Variants in DCDC2 observed in about 807,000 individuals in gnomAD.
The protein encoded by DCDC2 is doublecortin domain-containing protein 2.
DCDC2 carries 40 observed loss-of-function variants against 50.2 expected under a neutral mutation model. The observed-to-expected ratio is 0.80, with a 90% CI of 0.62 to 1.04. The LOEUF (loss-of-function observed/expected upper bound fraction) is 1.04, where lower values mean the gene tolerates loss of function less well. Among genes scored for constraint, DCDC2 ranks in the 50% least tolerant of loss-of-function variants. DCDC2 has a pLI of 0.00. For missense variants in DCDC2, 570 were observed against 581.9 expected (o/e 0.98, Z 0.21); for synonymous variants, 234 against 210.6 (o/e 1.11, Z -0.96).
At chr6:24,242,542 C>T (rs1006454581) in intron 7 of DCDC2, among the ~76,000 whole-genome samples, 2 of 152,186 alleles carry the variant, frequency 1.3e-5, no homozygotes, top group African/African-American at 4.8e-5. Flanking sequence ...CCGCCAGCCT[C>T]TGTGAGAGTA....
At chr6:24,322,224 A>G (rs1485838562) in intron 2 of DCDC2, among the ~76,000 whole-genome samples, 2 of 152,144 alleles carry the variant, frequency 1.3e-5, no homozygotes, top group Non-Finnish European at 2.9e-5. Context: ...CTGAAGATTA[A>G]GCTCTGATTT....
intron 6 of DCDC2, among the ~76,000 whole-genome samples, chr6:24,286,829 C>A (rs1451284478): frequency 1.3e-5 from 2 of 152,088 alleles, no homozygotes; most frequent in Non-Finnish European, 2.9e-5. Flanking sequence ...TATCTTTGGC[C>A]CCAATTTCTC....
chr6:24,350,213 C>T (rs1479654239), intron 2 of DCDC2, among the ~76,000 whole-genome samples: 1 of 152,184 alleles, frequency 6.6e-6, no homozygotes, highest in Non-Finnish European at 1.5e-5. Context: ...GTCAAGGTGA[C>T]ACGCACATTC....
chr6:24,233,931 T>C (rs1022400894), intron 7 of DCDC2, among the ~76,000 whole-genome samples: 3 of 152,214 alleles, frequency 2.0e-5, no homozygotes, highest in African/African-American at 7.2e-5. Flanking sequence ...TTACTGAGTA[T>C]CTACTAAATG....
intron 7 of DCDC2, among the ~76,000 whole-genome samples, chr6:24,233,101 G>A (rs374736098): frequency 3.9e-5 from 6 of 152,158 alleles, no homozygotes; most frequent in Admixed American, 2.0e-4. Context: ...TGACAATGGC[G>A]ATCAGACTTC....
At chr6:24,277,743 T>C (rs1763390670) in intron 7 of DCDC2, among the ~76,000 whole-genome samples, 1 of 152,082 alleles carries the variant, frequency 6.6e-6, no homozygotes, top group Non-Finnish European at 1.5e-5. Context: ...AATATCATAG[T>C]AGTTGTAGGT....
chr6:24,303,066 G>A (rs1461551487), intron 2 of DCDC2, among the ~76,000 whole-genome samples: 1 of 151,672 alleles, frequency 6.6e-6, no homozygotes, highest in African/African-American at 2.4e-5. Flanking sequence ...CCCACATCTT[G>A]ATTTTGTCCC....
upstream of DCDC2, among the ~76,000 whole-genome samples, chr6:24,363,001 C>T (rs776690275): frequency 2.0e-5 from 3 of 151,998 alleles, no homozygotes; most frequent in Admixed American, 6.6e-5. Flanking sequence ...ACCCTGATCA[C>T]GAAGAGCTGA....
chr6:24,188,176 C>A (rs1327294157), intron 8 of DCDC2, among the ~76,000 whole-genome samples: 2 of 152,194 alleles, frequency 1.3e-5, no homozygotes, highest in Non-Finnish European at 2.9e-5. Context: ...GCATCTCTCT[C>A]AGCTCCTGTG....
At chr6:24,354,572 A>G (rs567879071) in intron 1 of DCDC2, among the ~76,000 whole-genome samples, 1 of 152,200 alleles carries the variant, frequency 6.6e-6, no homozygotes, top group Non-Finnish European at 1.5e-5. Flanking sequence ...AAAAGTAGTC[A>G]TATTTTTAAA....
chr6:24,343,492 T>C (rs973832593), intron 2 of DCDC2, among the ~76,000 whole-genome samples: 1 of 152,248 alleles, frequency 6.6e-6, no homozygotes, highest in Non-Finnish European at 1.5e-5. Context: ...AAATATACTT[T>C]CATCAAGACG....
intron 2 of DCDC2, among the ~76,000 whole-genome samples, chr6:24,322,882 C>T (rs1216929749): frequency 6.6e-6 from 1 of 152,224 alleles, no homozygotes; most frequent in African/African-American, 2.4e-5. Context: ...TTCTCAAGAT[C>T]TCCTGAGGGC....
chr6:24,191,391 C>A (rs981618830), intron 8 of DCDC2, among the ~76,000 whole-genome samples: 4 of 152,142 alleles, frequency 2.6e-5, no homozygotes, highest in Non-Finnish European at 5.9e-5. Flanking sequence ...CTGGTTACAG[C>A]CTCTAAGCTG....
intron 7 of DCDC2, among the ~76,000 whole-genome samples, chr6:24,256,483 A>T (rs1374457801): frequency 6.6e-6 from 1 of 152,100 alleles, no homozygotes; most frequent in Non-Finnish European, 1.5e-5. Flanking sequence ...TATTTTTTAA[A>T]TGTGCCCCTG....
chr6:24,177,206 A>G (rs1760941451), intron 9 of DCDC2, among the ~76,000 whole-genome samples: 2 of 152,228 alleles, frequency 1.3e-5, no homozygotes, highest in Non-Finnish European at 2.9e-5. Flanking sequence ...TAATATGGGG[A>G]ATTTCTTATA....
intron 7 of DCDC2, among the ~76,000 whole-genome samples, chr6:24,232,004 T>TAC (rs57865332): frequency 0.12 from 18,410 of 148,310 alleles, 1,179 homozygotes; most frequent in East Asian, 0.16. Context: ...CATATATATA[T>TAC]ACACACACAC....
In DCDC2 at chr6:24,351,635, T is replaced by G. The variant is rs115331888; in HGVS notation, c.348+1934A>C. Among the ~76,000 whole-genome samples the G allele has an allele frequency of 8.9e-3, 1,352 of 152,270 alleles. 24 individuals carry two copies. The highest frequency in any genetic ancestry group is 0.03 in the African/African-American group (1,252 of 41,554). On this transcript the variant is annotated intron_variant, in intron 2 of 9. Coordinates refer to ENST00000378454, the MANE Select transcript of DCDC2 (RefSeq NM_016356.5). Reference sequence around the variant, plus strand: ...GATGAAAGAGATGCAGTCTTTCATTTGGAGACAAGGGGTAGGTTTTTCACA... The same window carrying G: ...GATGAAAGAGATGCAGTCTTTCATTGGGAGACAAGGGGTAGGTTTTTCACA...
intron 2 of DCDC2, among the ~76,000 whole-genome samples, chr6:24,307,987 C>A (rs774105215): frequency 1.6e-4 from 24 of 152,140 alleles, no homozygotes; most frequent in Non-Finnish European, 1.9e-4. Context: ...CTGCTTTCAT[C>A]CCCAGGGGCA....
rs150972631 is a variant in DCDC2 at position 24,224,479 on chromosome 6, G to T, written c.923-19377C>A. 2.2e-4 allele frequency among the ~76,000 whole-genome samples: 33 copies of T among 152,330 alleles called. No homozygotes were observed. The East Asian group carries it at 6.0e-3, about 28-fold the overall frequency. ...AGCTTACTAATATGATCTGCTCAGT[G>T]CTCTTTAACTGAAGCACTTGGTGAG... On this transcript the variant is annotated intron_variant, in intron 7 of 9. Coordinates refer to ENST00000378454, the MANE Select transcript of DCDC2 (RefSeq NM_016356.5).
Sources: allele counts gnomAD v4.1 joint callset (sites outside exome capture counted in the v4.1 genomes callset), GRCh38; gene constraint gnomAD v4.1.1; transcripts MANE v1.5; gene names NCBI Gene and HGNC (gene_info 2026-07-23, HGNC 2026-07-21).